Variants in PKN2 observed in about 807,000 individuals in gnomAD.
PKN2 encodes protein kinase N2, also known as serine/threonine-protein kinase N2.
PKN2 carries 38 observed loss-of-function variants against 119.1 expected under a neutral mutation model. The observed-to-expected ratio is 0.32, with a 90% CI of 0.25 to 0.42. The LOEUF (loss-of-function observed/expected upper bound fraction) is 0.42, where lower values mean the gene tolerates loss of function less well. Among genes scored for constraint, PKN2 ranks in the 10% least tolerant of loss-of-function variants. The pLI, the probability that PKN2 is intolerant of heterozygous loss-of-function variation, is 1.00. For missense variants in PKN2, 850 were observed against 1,165.1 expected (o/e 0.73, Z 3.94); for synonymous variants, 390 against 384.9 (o/e 1.01, Z -0.15).
chr1:88,734,522 T>A (rs911615687), intron 1 of PKN2, among the ~76,000 whole-genome samples: 4 of 152,216 alleles, frequency 2.6e-5, no homozygotes, highest in Admixed American at 6.5e-5. Context: ...GATGATTTAT[T>A]TCTGGACTGT....
At chr1:88,744,843 G>A (rs761514032) in intron 2 of PKN2, among the ~76,000 whole-genome samples, 21 of 152,114 alleles carry the variant, frequency 1.4e-4, no homozygotes, top group Non-Finnish European at 2.8e-4. Flanking sequence ...ATTCCTTATT[G>A]TAATGTCAAG....
At chr1:88,749,266 C>T (rs17099897) in intron 2 of PKN2, among the ~76,000 whole-genome samples, 10,170 of 152,038 alleles carry the variant, frequency 0.067, 697 homozygotes, top group African/African-American at 0.18. Context: ...GGCAGTTCTG[C>T]AATTTTTATA....
At chr1:88,728,890 C>A (rs971793830) in intron 1 of PKN2, among the ~76,000 whole-genome samples, 13 of 148,558 alleles carry the variant, frequency 8.8e-5, no homozygotes, top group African/African-American at 3.4e-4. Flanking sequence ...ATTAACATCC[C>A]CATCTTTTTT....
At chr1:88,715,234 CT>C (rs1045582763) in intron 1 of PKN2, among the ~76,000 whole-genome samples, 2 of 152,050 alleles carry the variant, frequency 1.3e-5, no homozygotes, top group Non-Finnish European at 2.9e-5. Context: ...TTAAAATTAT[CT>C]TTTTTTGTTG....
At chr1:88,728,314 C>T (rs2100720674) in intron 1 of PKN2, among the ~76,000 whole-genome samples, 1 of 152,148 alleles carries the variant, frequency 6.6e-6, no homozygotes, top group South Asian at 2.1e-4. Flanking sequence ...TCTTTTTCTC[C>T]TTTTGGATAA....
At chr1:88,753,376 TAA>T (rs1669077214) in intron 2 of PKN2, among the ~76,000 whole-genome samples, 1 of 152,192 alleles carries the variant, frequency 6.6e-6, no homozygotes, top group Non-Finnish European at 1.5e-5. Flanking sequence ...AAATTTTTAA[TAA>T]GTCTGTGAAA....
chr1:88,747,701 A>G (rs1249383373), intron 2 of PKN2, among the ~76,000 whole-genome samples: 1 of 151,942 alleles, frequency 6.6e-6, no homozygotes, highest in Non-Finnish European at 1.5e-5. Context: ...CCATTCTTAT[A>G]TTTTCAAACC....
chr1:88,766,080 T>A (rs12021820), intron 3 of PKN2, among the ~76,000 whole-genome samples: 77,284 of 152,080 alleles, frequency 0.51, 20,344 homozygotes, highest in Middle Eastern at 0.7. Context: ...CCCAAAGTGC[T>A]GGGATTACAG....
At position 88,807,283 on chromosome 1, in the gene PKN2, A is replaced by G. The variant is rs201076268; in HGVS notation, c.1804-30A>G. ...AATAAGTTGTTTTCTGGGTATTTCT[A>G]TGGATTCACGTGTATTTAATATTTT... On this transcript the variant is annotated intron_variant, in intron 12 of 21. Transcript: ENST00000370521. 1.7e-5 allele frequency: 23 copies of G among 1,373,804 alleles called. No homozygotes were observed. The South Asian group carries it at 1.9e-4, about 11-fold the overall frequency. 85.1% of individuals were successfully genotyped at this position (1,373,804 alleles called of 1,614,324 possible). A position where few individuals can be genotyped will look rare whatever the true frequency, so the allele number is the denominator to read the frequency against.
intron 8 of PKN2, among the ~76,000 whole-genome samples, chr1:88,788,005 C>T (rs559112663): frequency 2.4e-4 from 37 of 152,190 alleles, no homozygotes; most frequent in African/African-American, 8.7e-4. Context: ...ACATTTCAAG[C>T]GGCCTTAGTA....
chr1:88,807,419 G>A lies in PKN2; in HGVS notation c.1910G>A (p.Gly637Asp). Residue 637 changes from glycine (G) to aspartate (D), a missense_variant, in exon 13 of 22, where the codon GGT (glycine) becomes GAT (aspartate). By Grantham distance (94) the Gly-to-Asp change is moderately conservative. Around this residue, in one of 9 missense-constraint regions of PKN2, gnomAD observed 216 missense variants for 252.8 expected, o/e 0.85. Transcript: ENST00000370521. Reference sequence around the variant, plus strand: ...CCTCAGTCAGGCCTAGAATATAGTGGTATTCAAGAACTTGAGGACAGAAGG... The same window carrying A: ...CCTCAGTCAGGCCTAGAATATAGTGATATTCAAGAACTTGAGGACAGAAGG... ...DTPQSGLEYS[G>D]IQELEDRRSQ... The A allele has an allele frequency of 6.2e-7, 1 of 1,610,296 alleles. No individual in the cohort carries two copies. The highest frequency in any genetic ancestry group is 8.5e-7 in the Non-Finnish European group (1 of 1,178,266).
In PKN2 at chr1:88,741,294, G is replaced by A. The variant is rs367732983; in HGVS notation, c.349+6G>A. ...AGATCCAGAAGATATTACAGGTATA[G>A]TAGTGCTTTATTTGATGTTTATATG... On this transcript the variant is annotated splice_donor_region_variant and intron_variant, in intron 2 of 21. Transcript: ENST00000370521. 9.9e-6 allele frequency: 15 copies of A among 1,511,212 alleles called. No individual in the cohort carries two copies. The highest frequency in any genetic ancestry group is 1.4e-5 in the African/African-American group (1 of 70,800). 93.6% of individuals were successfully genotyped at this position (1,511,212 alleles called of 1,614,324 possible).
At chr1:88,734,159 TAAAAA>T (rs79679723) in intron 1 of PKN2, among the ~76,000 whole-genome samples, 1 of 140,546 alleles carries the variant, frequency 7.1e-6, no homozygotes, top group Non-Finnish European at 1.6e-5. Flanking sequence ...ACCCTATCTT[TAAAAA>T]AAAAAAAAAA....
intron 1 of PKN2, among the ~76,000 whole-genome samples, chr1:88,724,952 G>A (rs1038118115): frequency 8.4e-5 from 12 of 142,758 alleles, no homozygotes; most frequent in Admixed American, 2.9e-4. Flanking sequence ...GCTGGAGTAC[G>A]GTGGCACAAT....
intron 3 of PKN2, among the ~76,000 whole-genome samples, chr1:88,769,235 G>A (rs1669789045): frequency 6.6e-6 from 1 of 152,144 alleles, no homozygotes; most frequent in Non-Finnish European, 1.5e-5. Context: ...TAACAGAAGT[G>A]TTCTCCAGCT....
intron 8 of PKN2, among the ~76,000 whole-genome samples, chr1:88,799,222 A>G (rs1482781161): frequency 1.3e-5 from 2 of 152,182 alleles, no homozygotes; most frequent in African/African-American, 2.4e-5. Context: ...GCAGTAACCC[A>G]CATCTATAGC....
chr1:88,690,523 T>C lies in PKN2; in HGVS notation c.48+5895T>C, dbSNP rs536542307. 1.2e-4 allele frequency among the ~76,000 whole-genome samples: 19 copies of C among 152,276 alleles called. No individual in the cohort carries two copies. In the East Asian group the frequency reaches 3.7e-3, roughly 29 times the overall value. On this transcript the variant is annotated intron_variant, in intron 1 of 21. Coordinates refer to ENST00000370521, the MANE Select transcript of PKN2 (RefSeq NM_006256.4). ...GCAGAGTTCAAACTTGACAGCAAAGTTGAAAACTAGTTAAAAGCTTTAAAA... is the reference window on the plus strand; with the variant it reads ...GCAGAGTTCAAACTTGACAGCAAAGCTGAAAACTAGTTAAAAGCTTTAAAA...
At chr1:88,799,545 C>CTGTTAAT (rs1671224445) in intron 8 of PKN2, among the ~76,000 whole-genome samples, 1 of 152,166 alleles carries the variant, frequency 6.6e-6, no homozygotes, top group South Asian at 2.1e-4. Flanking sequence ...ATGAGAGACA[C>CTGTTAAT]TGTTAAGAGA....
intron 8 of PKN2, among the ~76,000 whole-genome samples, chr1:88,786,880 A>G (rs1370270181): frequency 1.3e-5 from 2 of 151,786 alleles, no homozygotes; most frequent in East Asian, 1.9e-4. Flanking sequence ...CAGATTTACA[A>G]TGCTTAACTA....
Sources: allele counts gnomAD v4.1 joint callset (sites outside exome capture counted in the v4.1 genomes callset), GRCh38; gene constraint gnomAD v4.1.1; regional missense constraint gnomAD v4.1.1; transcripts MANE v1.5; gene names NCBI Gene and HGNC (gene_info 2026-07-23, HGNC 2026-07-21).